The following GPR143 variants were observed in gnomAD, a reference collection of about 807,000 sequenced individuals.
GPR143 encodes G protein-coupled receptor 143, also known as G-protein coupled receptor 143.
GPR143 carries 8 observed loss-of-function variants against 27.6 expected under a neutral mutation model. The observed-to-expected ratio is 0.29, with a 90% CI of 0.17 to 0.52. GPR143 has a LOEUF of 0.52. Ranked by LOEUF, GPR143 falls within the 20% of genes least tolerant of loss-of-function variation. GPR143 has a pLI of 0.96. For missense variants in GPR143, 303 were observed against 343.1 expected, an observed-to-expected ratio of 0.88 and a Z score of 0.92; for synonymous variants, 156 against 153.2, an observed-to-expected ratio of 1.02 and a Z score of -0.13.
intron 8 of GPR143, among the ~76,000 whole-genome samples, chrX:9,730,819 ACTC>A (rs1195090177): frequency 1.8e-5 from 2 of 110,894 alleles, no homozygotes; most frequent in Non-Finnish European, 3.8e-5. Context: ...TTGAAGCATG[ACTC>A]CTCCTGTTCC....
chrX:9,775,308 C>A (rs1247283388), intron 1 of GPR143, among the ~76,000 whole-genome samples: 3 of 112,008 alleles, frequency 2.7e-5, no homozygotes, highest in African/African-American at 9.7e-5. Flanking sequence ...AAGGGTAGAA[C>A]TTCAGCTGTG....
At chrX:9,770,347 G>GAA (rs2083550426), upstream of GPR143, among the ~76,000 whole-genome samples, 1 of 68,138 alleles carries the variant, frequency 1.5e-5, no homozygotes, top group Admixed American at 1.7e-4. Context: ...GAGAGAGAGA[G>GAA]AGAGAGAGAG....
chrX:9,765,443 G>T, intron 1 of GPR143, 125 bp downstream of exon 1: 1 of 705,511 alleles, frequency 1.4e-6, no homozygotes, highest in Non-Finnish European at 1.9e-6. Context: ...CTCCATCACG[G>T]AACAGGTCCA....
chrX:9,750,803 T>C (rs1423536900), intron 3 of GPR143, among the ~76,000 whole-genome samples: 18 of 112,478 alleles, frequency 1.6e-4, no homozygotes, highest in Non-Finnish European at 1.1e-4. Context: ...CCTCAAGTCA[T>C]CCACCTGCCT....
intron 4 of GPR143, 31 bp downstream of exon 4, chrX:9,748,543 G>T: frequency 1.0e-6 from 1 of 959,272 alleles, no homozygotes; most frequent in Non-Finnish European, 1.5e-6. Context: ...CCAAGGATGG[G>T]GCTGCCTGGG....
intron 6 of GPR143, among the ~76,000 whole-genome samples, chrX:9,741,964 C>T (rs913887801): frequency 5.4e-5 from 6 of 111,813 alleles, no homozygotes; most frequent in Admixed American, 9.5e-5. Flanking sequence ...AAACATAATT[C>T]GTTTTCTCAG....
chrX:9,775,002 G>A (rs940862529), intron 1 of GPR143, among the ~76,000 whole-genome samples: 1 of 111,042 alleles, frequency 9.0e-6, no homozygotes, highest in African/African-American at 3.3e-5. Context: ...TAGCAGAGAC[G>A]ACAGGCATGT....
intron 6 of GPR143, 46 bp downstream of exon 6, chrX:9,743,519 C>G: frequency 2.8e-6 from 2 of 713,685 alleles, no homozygotes; most frequent in Non-Finnish European, 4.5e-6. Context: ...TTTCCATAGC[C>G]CTTCCCACTG....
chrX:9,754,807 T>G (rs1476520798), intron 3 of GPR143, among the ~76,000 whole-genome samples: 1 of 110,967 alleles, frequency 9.0e-6, no homozygotes, highest in African/African-American at 3.3e-5. Context: ...TGAAGTAATA[T>G]ATCCTCTATG....
chrX:9,746,230 A>G (rs1260330391), intron 4 of GPR143, 77 bp from the exon 5 acceptor site: 1 of 593,126 alleles, frequency 1.7e-6, no homozygotes, highest in Non-Finnish European at 3.0e-6. Flanking sequence ...CTGGAAGTCA[A>G]GATAAGAGGA....
intron 8 of GPR143, chrX:9,738,646 C>T (rs1009152673): frequency 2.6e-5 from 7 of 274,446 alleles, no homozygotes; most frequent in African/African-American, 5.9e-5. Context: ...GTTTTTTAGA[C>T]GGGGCTTCAC....
intron 5 of GPR143, among the ~76,000 whole-genome samples, chrX:9,745,219 C>T (rs1399380255): frequency 2.7e-5 from 3 of 113,163 alleles, no homozygotes; most frequent in African/African-American, 6.4e-5. Context: ...CACGCCACTG[C>T]ACTCCAGCCT....
intron 3 of GPR143, among the ~76,000 whole-genome samples, chrX:9,755,617 C>A (rs188703273): frequency 1.8e-5 from 2 of 111,071 alleles, no homozygotes; most frequent in East Asian, 5.7e-4. Flanking sequence ...TTGCTCTCTT[C>A]CCACTTCCTG....
rs281865178 is a variant in GPR143, at chrX:9,760,717, C to T, written c.360G>A (p.Ala120=). The T allele has an allele frequency of 8.1e-6, 9 of 1,117,825 alleles. No homozygotes were observed. Among genetic ancestry groups the T allele is most frequent in the East Asian group, 3.0e-5 (1 of 33,241 alleles). The allele number at this position is 1,117,825 out of a possible 1,213,427, so 92.1% of individuals were successfully genotyped here. Residue 120 remains alanine, a splice_region_variant and synonymous_variant, in exon 2 of 9, where the codon GCG becomes GCA. Transcript: ENST00000467482. Reference sequence around the variant, plus strand: ...GGGCATGCAGAGGGGGTGGACTCACCGCACTCCCCACGCAGAAAGCAGCAG... The same window carrying T: ...GGGCATGCAGAGGGGGTGGACTCACTGCACTCCCCACGCAGAAAGCAGCAG... ...IWPAAFCVGS[A]MWIQLLYSAC...
intron 8 of GPR143, among the ~76,000 whole-genome samples, chrX:9,728,666 AAAAAG>A (rs2083340557): frequency 2.1e-5 from 2 of 95,040 alleles, no homozygotes; most frequent in African/African-American, 4.0e-5. Context: ...AAAAAAAAAA[AAAAAG>A]GCATGATTGC....
intron 8 of GPR143, among the ~76,000 whole-genome samples, chrX:9,736,455 C>A (rs912225877): frequency 2.7e-5 from 3 of 111,069 alleles, no homozygotes; most frequent in Non-Finnish European, 5.7e-5. Context: ...AGCACCGCCA[C>A]TTTATACTTT....
chrX:9,749,850 T>C (rs763685713), intron 3 of GPR143, among the ~76,000 whole-genome samples: 1 of 112,109 alleles, frequency 8.9e-6, no homozygotes, highest in Admixed American at 9.4e-5. Flanking sequence ...TCACTGCAAC[T>C]GTCTCCTGAG....
At position 9,760,804 on chromosome X, in the gene GPR143, C is replaced by T. The variant is rs374398304; in HGVS notation, c.273G>A (p.Val91=). ...CAACAAAATTTGGGAATCCTAACCA[C>T]ACGGTGGACCGGATCACCATACCTA... ...GCLGMVIRST[V]WLGFPNFVDS... is the part of the protein sequence containing the mutation. Residue 91 remains valine (V), a synonymous_variant, in exon 2 of 9, where the codon GTG becomes GTA. Transcript: ENST00000467482. 106 of 1,143,864 alleles carry T rather than the reference C, an allele frequency of 9.3e-5. No individual in the cohort carries two copies. The highest frequency in any genetic ancestry group is 1.2e-4 in the Non-Finnish European group (99 of 839,926). 94.3% of individuals were successfully genotyped at this position (1,143,864 alleles called of 1,213,427 possible).
intron 6 of GPR143, among the ~76,000 whole-genome samples, chrX:9,743,349 G>C (rs1369024482): frequency 1.8e-5 from 2 of 109,172 alleles, no homozygotes; most frequent in Non-Finnish European, 3.8e-5. Context: ...TATATAATTT[G>C]AGTAGATTTG....
Sources: allele counts gnomAD v4.1 joint callset (sites outside exome capture counted in the v4.1 genomes callset), GRCh38; gene constraint gnomAD v4.1.1; transcripts MANE v1.5; gene names NCBI Gene and HGNC (gene_info 2026-07-23, HGNC 2026-07-21).